The following CDH7 variants were observed in gnomAD, a reference collection of about 807,000 sequenced individuals.
The protein encoded by CDH7 is cadherin 7, also known as cadherin-7.
In CDH7, 25 loss-of-function variants were observed where a neutral mutation model predicts 71.8. That is an observed-to-expected ratio of 0.35 (90% CI 0.25 to 0.49). CDH7 has a LOEUF of 0.49. Ranked by LOEUF, CDH7 falls within the 20% of genes least tolerant of loss-of-function variation. The pLI, the probability that CDH7 is intolerant of heterozygous loss-of-function variation, is 0.99. For missense variants in CDH7, 862 were observed against 974.6 expected, an observed-to-expected ratio of 0.88 and a Z score of 1.54; for synonymous variants, 381 against 363.8, an observed-to-expected ratio of 1.05 and a Z score of -0.54.
At chr18:65,755,983 A>G (rs1568168395) in intron 1 of CDH7, among the ~76,000 whole-genome samples, 1 of 151,944 alleles carries the variant, frequency 6.6e-6, no homozygotes, top group East Asian at 1.9e-4. Flanking sequence ...AAACAAAAAA[A>G]CAAAAACAAA....
chr18:65,864,473 C>T (rs1443552869), intron 11 of CDH7, among the ~76,000 whole-genome samples: 9 of 150,286 alleles, frequency 6.0e-5, no homozygotes, highest in African/African-American at 2.2e-4. Flanking sequence ...AAGTATTCTT[C>T]TTCCAATGTG....
At chr18:65,818,105 ATAGAG>A (rs1249318549) in intron 4 of CDH7, among the ~76,000 whole-genome samples, 1 of 152,162 alleles carries the variant, frequency 6.6e-6, no homozygotes, top group African/African-American at 2.4e-5. Flanking sequence ...TGTACTCATA[ATAGAG>A]TATTTTTAAA....
chr18:65,793,851 A>G (rs1052167649), intron 2 of CDH7, among the ~76,000 whole-genome samples: 1 of 152,178 alleles, frequency 6.6e-6, no homozygotes, highest in African/African-American at 2.4e-5. Flanking sequence ...TAAGGAGCAC[A>G]TGAAAAGTGT....
In CDH7 at chr18:65,884,424, A is replaced by G. The variant is rs1248820374; in HGVS notation, c.*3530A>G. ...CCAGGAAGCTCTGCTGATGACTACA[A>G]TTGAGGTTAGTTGTCTACAAGATAC... On this transcript the variant is annotated 3_prime_UTR_variant, in exon 12 of 12. Coordinates refer to ENST00000397968, the MANE Select transcript of CDH7 (RefSeq NM_004361.5). 3.9e-5 allele frequency: 6 copies of G among 152,136 alleles called. No individual in the cohort carries two copies. The highest frequency in any genetic ancestry group is 5.9e-5 in the Non-Finnish European group (4 of 68,010). The allele number at this position is 152,136 out of a possible 1,614,324, so 9.4% of individuals were successfully genotyped here. A position where few individuals can be genotyped will look rare whatever the true frequency, so the allele number is the denominator to read the frequency against.
chr18:65,822,681 A>C (rs1911979774), intron 5 of CDH7, among the ~76,000 whole-genome samples: 1 of 152,026 alleles, frequency 6.6e-6, no homozygotes, highest in South Asian at 2.1e-4. Flanking sequence ...AAGAGTAATA[A>C]ATGTTTTCAT....
chr18:65,819,504 T>A (rs1911841453), intron 4 of CDH7, among the ~76,000 whole-genome samples: 1 of 152,148 alleles, frequency 6.6e-6, no homozygotes, highest in African/African-American at 2.4e-5. Context: ...TACCTCTTGA[T>A]ATATATTATT....
intron 2 of CDH7, among the ~76,000 whole-genome samples, chr18:65,771,680 G>GAA (rs374519867): frequency 0.037 from 5,092 of 136,464 alleles, 271 homozygotes; most frequent in African/African-American, 0.13. Context: ...TGCCTCAAAA[G>GAA]AAAAAAAAAA....
chr18:65,854,629 T>C (rs1472034281), intron 7 of CDH7, among the ~76,000 whole-genome samples: 1 of 152,184 alleles, frequency 6.6e-6, no homozygotes, highest in East Asian at 1.9e-4. Flanking sequence ...CTGATGTCTG[T>C]CAAGTTCAAG....
intron 7 of CDH7, among the ~76,000 whole-genome samples, chr18:65,856,443 TCC>T (rs1216544634): frequency 6.6e-6 from 1 of 152,054 alleles, no homozygotes; most frequent in African/African-American, 2.4e-5. Flanking sequence ...AAACTGTAGG[TCC>T]CTATTAGGAT....
At chr18:65,793,668 G>A (rs529825673) in intron 2 of CDH7, among the ~76,000 whole-genome samples, 51 of 152,222 alleles carry the variant, frequency 3.4e-4, no homozygotes, top group African/African-American at 1.2e-3. Flanking sequence ...CTATCATTCA[G>A]TGTGATTGCA....
chr18:65,759,941 T>G (rs1017312556), intron 1 of CDH7, among the ~76,000 whole-genome samples: 1 of 152,214 alleles, frequency 6.6e-6, no homozygotes, highest in Non-Finnish European at 1.5e-5. Flanking sequence ...TATATAGTAC[T>G]TTGGCGCCTT....
intron 7 of CDH7, among the ~76,000 whole-genome samples, chr18:65,856,185 A>T (rs936950063): frequency 6.6e-6 from 1 of 152,152 alleles, no homozygotes; most frequent in African/African-American, 2.4e-5. Flanking sequence ...AGACCCAGCC[A>T]ACATTTGACT....
At chr18:65,786,976 C>G (rs1377829314) in intron 2 of CDH7, among the ~76,000 whole-genome samples, 2 of 152,104 alleles carry the variant, frequency 1.3e-5, no homozygotes, top group African/African-American at 2.4e-5. Flanking sequence ...GTGCAAATCA[C>G]TAAGCCCACT....
chr18:65,862,197 A>T (rs914830176), intron 10 of CDH7, among the ~76,000 whole-genome samples: 4 of 152,008 alleles, frequency 2.6e-5, no homozygotes, highest in Admixed American at 1.3e-4. Flanking sequence ...AATAAAGCTA[A>T]AGTAGCTGAT....
intron 11 of CDH7, among the ~76,000 whole-genome samples, chr18:65,876,438 T>C (rs1435044530): frequency 6.6e-6 from 1 of 152,188 alleles, no homozygotes; most frequent in Non-Finnish European, 1.5e-5. Context: ...TAAAATATGT[T>C]TGTTCTTGGA....
At position 65,890,225 on chromosome 18, in the gene CDH7, T is replaced by C. The variant is rs1234160472; in HGVS notation, c.*9331T>C. The C allele has an allele frequency of 1.3e-5, 2 of 152,232 alleles. No individual in the cohort carries two copies. The highest frequency in any genetic ancestry group is 2.9e-5 in the Non-Finnish European group (2 of 68,040). 9.4% of individuals were successfully genotyped at this position (152,232 alleles called of 1,614,324 possible). A position where few individuals can be genotyped will look rare whatever the true frequency, so the allele number is the denominator to read the frequency against. On this transcript the variant is annotated 3_prime_UTR_variant, in exon 12 of 12. Transcript: ENST00000397968. ...TTTAACCAATATTGTTATAAATTTATGAAGCTTCAATTCTAGCAAAAATAA... is the reference window on the plus strand; with the variant it reads ...TTTAACCAATATTGTTATAAATTTACGAAGCTTCAATTCTAGCAAAAATAA...
chr18:65,823,644 A>G (rs1157709240), intron 5 of CDH7, among the ~76,000 whole-genome samples: 1 of 151,978 alleles, frequency 6.6e-6, no homozygotes, highest in East Asian at 1.9e-4. Context: ...TGTTATAATC[A>G]TTTAAAAAAC....
intron 7 of CDH7, among the ~76,000 whole-genome samples, chr18:65,853,942 T>C (rs1913250231): frequency 9.2e-6 from 1 of 108,468 alleles, no homozygotes; most frequent in African/African-American, 3.4e-5. Context: ...TATATATATA[T>C]ATATATATAT....
intron 2 of CDH7, among the ~76,000 whole-genome samples, chr18:65,766,657 AT>A (rs1229168825): frequency 2.0e-5 from 3 of 151,978 alleles, no homozygotes; most frequent in African/African-American, 4.8e-5. Context: ...CCTTACATGT[AT>A]GTTTTAATTA....
Sources: gnomAD v4.1 joint callset for allele counts (sites outside exome capture counted in the v4.1 genomes callset) on GRCh38, gnomAD v4.1.1 for gene constraint, MANE v1.5 for transcripts, NCBI Gene and HGNC (gene_info 2026-07-23, HGNC 2026-07-21) for gene names.